Variants in GLT8D2 observed in about 807,000 individuals in gnomAD.
The protein encoded by GLT8D2 is glycosyltransferase 8 domain-containing protein 2.
Under a neutral mutation model 44.5 loss-of-function variants are expected in GLT8D2, and 45 were observed. The ratio of observed to expected loss-of-function variants is 1.01; its 90% CI spans 0.80 to 1.30. The LOEUF (loss-of-function observed/expected upper bound fraction) is 1.30. Among genes scored for constraint, GLT8D2 ranks in the 50% most tolerant of loss-of-function variants. The probability of loss-of-function intolerance (pLI) is 0.00; values close to 1 mark genes in which losing one functional copy is unlikely to be tolerated. For missense variants in GLT8D2, 400 were observed against 430.4 expected (o/e 0.93, Z 0.62); for synonymous variants, 156 against 157.2 (o/e 0.99, Z 0.06).
At chr12:104,024,429 T>A (rs117590359) in intron 1 of GLT8D2, among the ~76,000 whole-genome samples, 10,350 of 152,000 alleles carry the variant, frequency 0.068, 502 homozygotes, top group Non-Finnish European at 0.1. Context: ...AGAGACCTTG[T>A]CTGAAAAAAA....
chr12:103,990,133 A>ATATC lies in GLT8D2; in HGVS notation c.881-557_881-556insGATA, dbSNP rs1170333665. The stretch of plus-strand genomic sequence containing the variant: ...TATATATATATATATATATATATAT[A>ATATC]TGTAGGATAAAATATTGTAGGTGGA... On this transcript the variant is annotated intron_variant, in intron 10 of 10. Coordinates refer to ENST00000360814, the MANE Select transcript of GLT8D2 (RefSeq NM_001384711.1). 1.2e-3 allele frequency among the ~76,000 whole-genome samples: 166 copies of ATATC among 136,444 alleles called. 9 individuals are homozygous for ATATC. Among genetic ancestry groups the ATATC allele is most frequent in the Non-Finnish European group, 1.9e-3 (120 of 62,582 alleles). The allele number at this position is 136,444 out of a possible 152,430, so 89.5% of individuals were successfully genotyped here.
intron 1 of GLT8D2, among the ~76,000 whole-genome samples, chr12:104,035,055 C>A (rs1879775810): frequency 6.6e-6 from 1 of 152,234 alleles, no homozygotes; most frequent in Admixed American, 6.5e-5. Context: ...CAAACTCCAA[C>A]AGACCTACAG....
At chr12:104,035,440 C>A (rs1056852101) in intron 1 of GLT8D2, among the ~76,000 whole-genome samples, 1 of 152,020 alleles carries the variant, frequency 6.6e-6, no homozygotes, top group Non-Finnish European at 1.5e-5. Flanking sequence ...ATACAAATGG[C>A]AAACTAGAAC....
intron 8 of GLT8D2, among the ~76,000 whole-genome samples, chr12:103,996,353 T>A: frequency 6.6e-6 from 1 of 152,204 alleles, no homozygotes; most frequent in East Asian, 1.9e-4. Context: ...GAAAACATCA[T>A]CTCTGACAGA....
At chr12:103,991,200 C>G (rs1027586226) in intron 10 of GLT8D2, among the ~76,000 whole-genome samples, 1 of 151,436 alleles carries the variant, frequency 6.6e-6, no homozygotes, top group African/African-American at 2.4e-5. Flanking sequence ...TCTTTTTTTT[C>G]TTTTGAGATG....
At chr12:104,032,430 T>C (rs2136436043) in intron 1 of GLT8D2, among the ~76,000 whole-genome samples, 1 of 121,738 alleles carries the variant, frequency 8.2e-6, no homozygotes, top group East Asian at 2.3e-4. Context: ...AAATCCTTTT[T>C]CCATATCAGT....
At chr12:103,997,914 TAC>T (rs59719067) in intron 6 of GLT8D2, among the ~76,000 whole-genome samples, 16,334 of 145,828 alleles carry the variant, frequency 0.11, 884 homozygotes, top group African/African-American at 0.13. Context: ...CAGCCTTAAA[TAC>T]ACACACACAC....
intron 1 of GLT8D2, among the ~76,000 whole-genome samples, chr12:104,040,527 G>A (rs952385905): frequency 3.9e-5 from 6 of 152,068 alleles, no homozygotes; most frequent in African/African-American, 7.2e-5. Context: ...CCGGGTTTAC[G>A]CGATTCTCCT....
At chr12:104,034,581 C>G (rs1465825406) in intron 1 of GLT8D2, among the ~76,000 whole-genome samples, 1 of 152,242 alleles carries the variant, frequency 6.6e-6, no homozygotes, top group East Asian at 1.9e-4. Context: ...AGCAGCCTGG[C>G]AGGTGGAAGG....
chr12:103,998,713 A>G (rs1873814728), intron 6 of GLT8D2, among the ~76,000 whole-genome samples: 1 of 152,026 alleles, frequency 6.6e-6, no homozygotes, highest in Non-Finnish European at 1.5e-5. Flanking sequence ...TGGCCACTAA[A>G]TAAAACTTTT....
chr12:104,028,604 A>C (rs1294192417), intron 1 of GLT8D2, among the ~76,000 whole-genome samples: 1 of 152,238 alleles, frequency 6.6e-6, no homozygotes, highest in Non-Finnish European at 1.5e-5. Context: ...TTGGAAACTT[A>C]AGATTCCTCA....
At chr12:104,047,454 A>G (rs1328230154) in intron 1 of GLT8D2, among the ~76,000 whole-genome samples, 2 of 151,812 alleles carry the variant, frequency 1.3e-5, no homozygotes, top group Non-Finnish European at 2.9e-5. Context: ...ACAGGCATGC[A>G]CCACCACGCC....
intron 4 of GLT8D2, among the ~76,000 whole-genome samples, chr12:104,012,189 A>AAT (rs71069712): frequency 0.017 from 1,708 of 98,248 alleles, 43 homozygotes; most frequent in Non-Finnish European, 0.027. Context: ...AAAAAAAAAA[A>AAT]ATATATATAT....
At chr12:104,009,221 A>T (rs1029509464) in intron 4 of GLT8D2, among the ~76,000 whole-genome samples, 20 of 152,358 alleles carry the variant, frequency 1.3e-4, no homozygotes, top group African/African-American at 4.8e-4. Flanking sequence ...GGGAGGCTGT[A>T]TCCTGCAAAG....
intron 3 of GLT8D2, 95 bp from the exon 4 acceptor site, chr12:104,015,200 G>T: frequency 2.4e-6 from 2 of 830,648 alleles, no homozygotes; most frequent in East Asian, 2.6e-5. Context: ...TGCCTTCCAT[G>T]ACACAGAGGA....
intron 1 of GLT8D2, among the ~76,000 whole-genome samples, chr12:104,032,737 A>G (rs1879453175): frequency 6.6e-6 from 1 of 152,140 alleles, no homozygotes; most frequent in Non-Finnish European, 1.5e-5. Context: ...AACAGCCATT[A>G]TGGAAAACAA....
At chr12:104,041,998 T>C (rs1880616200) in intron 1 of GLT8D2, among the ~76,000 whole-genome samples, 1 of 152,210 alleles carries the variant, frequency 6.6e-6, no homozygotes, top group Non-Finnish European at 1.5e-5. Flanking sequence ...ACGTTAATCA[T>C]TTCTGTATTT....
rs746162227 is a variant in GLT8D2, at chr12:103,994,398, A to C, written c.704T>G (p.Met235Arg). 1.2e-6 allele frequency: 2 copies of C among 1,614,054 alleles called. No homozygotes were observed. The highest frequency in any genetic ancestry group is 1.7e-4 in the Middle Eastern group (1 of 6,060). ...SFNPGVIVANMTEWKHQRITK... is the reference protein window; with the variant it reads ...SFNPGVIVANRTEWKHQRITK... The stretch of plus-strand genomic sequence containing the variant: ...GATGCGCTGGTGCTTCCATTCTGTC[A>C]TGTTGGCAACAATCACACCAGGATT... Residue 235 changes from methionine to arginine, a missense_variant, in exon 9 of 11, where the codon ATG (methionine) becomes AGG (arginine). Physicochemically the swap from Met to Arg is moderately conservative, Grantham distance 91 (BLOSUM62 -1). Transcript: ENST00000360814.
chr12:104,008,342 T>C (rs1875360183), intron 4 of GLT8D2, among the ~76,000 whole-genome samples: 1 of 152,190 alleles, frequency 6.6e-6, no homozygotes, highest in African/African-American at 2.4e-5. Context: ...ACTTTTGTTA[T>C]GTTTTAGCAA....
Sources: gnomAD v4.1 joint callset for allele counts (sites outside exome capture counted in the v4.1 genomes callset) on GRCh38, gnomAD v4.1.1 for gene constraint, MANE v1.5 for transcripts, NCBI Gene and HGNC (gene_info 2026-07-23, HGNC 2026-07-21) for gene names.